TRPM2: variants seen among roughly 807,000 people sequenced by gnomAD.
TRPM2 encodes the protein transient receptor potential cation channel subfamily M member 2, also known as estrogen-responsive element-associated gene 1 protein.
In TRPM2, 161 loss-of-function variants were observed where a neutral mutation model predicts 174.0. The observed-to-expected ratio is 0.93, with a 90% confidence interval of 0.81 to 1.05. The LOEUF is 1.05. Among genes scored for constraint, TRPM2 ranks in the 50% least tolerant of loss-of-function variants. The pLI, the probability that TRPM2 is intolerant of heterozygous loss-of-function variation, is 0.00. For missense variants in TRPM2, 2,057 were observed against 2,038.0 expected, an observed-to-expected ratio of 1.01 and a Z score of -0.18; for synonymous variants, 954 against 861.3, an observed-to-expected ratio of 1.11 and a Z score of -1.88.
chr21:44,391,393 A>C lies in TRPM2; in HGVS notation c.1562A>C (p.Tyr521Ser). 1 of 1,614,078 alleles carries C rather than the reference A, an allele frequency of 6.2e-7. No individual in the cohort carries two copies. Among genetic ancestry groups the C allele is most frequent in the South Asian group, 1.1e-5 (1 of 91,084 alleles). ...TTTGTCACCTGGGACACCTTGCTCT[A>C]CCTGTACGAGAACCTGGACCCCTCC... is the stretch of plus-strand genomic sequence containing the variant. ...KEFVTWDTLL[Y>S]LYENLDPSCL... Residue 521 changes from tyrosine to serine, a missense_variant, in exon 11 of 32, where the codon TAC (tyrosine) becomes TCC (serine). Physicochemically the swap from Tyr to Ser is moderately radical, Grantham distance 144 (BLOSUM62 -2). Transcript: ENST00000397928. The surrounding 1 kb of genome is among the most constrained non-coding windows in gnomAD (Gnocchi z 5.0).
At chr21:44,397,487 G>A (rs1287611218) in intron 12 of TRPM2, among the ~76,000 whole-genome samples, 1 of 152,188 alleles carries the variant, frequency 6.6e-6, no homozygotes, top group Non-Finnish European at 1.5e-5. Context: ...GCATGTGCTG[G>A]GCCCGTGCTG....
rs2049186354 is a variant in TRPM2, at chr21:44,391,859, C to A, written c.1794+234C>A. On this transcript the variant is annotated intron_variant, in intron 11 of 31. Transcript: ENST00000397928. The surrounding 1 kb of genome is among the most constrained non-coding windows in gnomAD (Gnocchi z 5.0). ...CAGATTAAGGCACCAGCAGGGCTGG[C>A]TTCTGGCCAGGGCCTCTTCTTGCTT... 6.6e-6 allele frequency among the ~76,000 whole-genome samples: 1 copy of A among 152,234 alleles called. No individual in the cohort carries two copies. The highest frequency in any genetic ancestry group is 6.5e-5 in the Admixed American group (1 of 15,282).
rs200128161 is a variant in TRPM2 at position 44,406,065 on chromosome 21, C to T, written c.2790+28C>T. ...AAGGGGGCGGGGGCACCGGCTCCATCGCGGCCTGCAGCCCAGGGTGGGCCT... is the reference window on the plus strand; with the variant it reads ...AAGGGGGCGGGGGCACCGGCTCCATTGCGGCCTGCAGCCCAGGGTGGGCCT... On this transcript the variant is annotated intron_variant, in intron 18 of 31. Coordinates refer to ENST00000397928, the MANE Select transcript of TRPM2 (RefSeq NM_003307.4). 2.0e-4 allele frequency: 314 copies of T among 1,599,600 alleles called. 1 individual carries two copies. The East Asian group carries it at 4.4e-3, about 22-fold the overall frequency.
chr21:44,406,821 G>A, intron 19 of TRPM2, 56 bp downstream of exon 19: 1 of 1,549,164 alleles, frequency 6.5e-7, no homozygotes, highest in South Asian at 1.2e-5. Flanking sequence ...CAGGAGAGAG[G>A]CTGGAAAGGG....
At chr21:44,411,945 C>T (rs1045549304) in intron 19 of TRPM2, among the ~76,000 whole-genome samples, 1 of 152,136 alleles carries the variant, frequency 6.6e-6, no homozygotes, top group Non-Finnish European at 1.5e-5. Flanking sequence ...GGGACACGTC[C>T]CACTTGGTCT....
intron 5 of TRPM2, among the ~76,000 whole-genome samples, chr21:44,372,374 T>C (rs1878674196): frequency 6.6e-6 from 1 of 151,400 alleles, no homozygotes. Flanking sequence ...TAGGCGACTG[T>C]AATCCCAGCT....
intron 23 of TRPM2, among the ~76,000 whole-genome samples, chr21:44,424,426 G>A (rs2050674994): frequency 6.6e-6 from 1 of 152,230 alleles, no homozygotes; most frequent in Admixed American, 6.5e-5. Context: ...ACTGTCCCCT[G>A]TGGGAGGCGC....
chr21:44,440,832 C>G lies in TRPM2; in HGVS notation c.4313C>G (p.Ala1438Gly). 6.2e-7 allele frequency: 1 copy of G among 1,613,970 alleles called. No individual in the cohort carries two copies. Among genetic ancestry groups the G allele is most frequent in the East Asian group, 2.2e-5 (1 of 44,880 alleles). Reference protein sequence around the residue: ...YMDDPRNTDNAWIETVAVSVH... With the variant: ...YMDDPRNTDNGWIETVAVSVH... ...GATGACCCGAGGAACACGGACAATG[C>G]CTGGATCGAGACGGTGGCCGTCAGC... Residue 1438 changes from alanine (A) to glycine (G), a missense_variant, in exon 31 of 32, where the codon GCC (alanine) becomes GGC (glycine). Physicochemically the swap from Ala to Gly is moderately conservative, Grantham distance 60. Transcript: ENST00000397928.
At position 44,399,249 on chromosome 21, in the gene TRPM2, G is replaced by A; in HGVS notation, c.2063-47G>A. The A allele has an allele frequency of 6.3e-7, 1 of 1,583,224 alleles. No individual in the cohort carries two copies. Among genetic ancestry groups the A allele is most frequent in the Non-Finnish European group, 8.6e-7 (1 of 1,161,338 alleles). On this transcript the variant is annotated intron_variant, in intron 13 of 31. Transcript: ENST00000397928. The surrounding 1 kb of genome is among the most constrained non-coding windows in gnomAD (Gnocchi z 4.6). ...CCCTCTGACCCGTCCCCAGGGCTCAGTGATTGTGACCTGCTGCTCTGACGG... is the reference window on the plus strand; with the variant it reads ...CCCTCTGACCCGTCCCCAGGGCTCAATGATTGTGACCTGCTGCTCTGACGG...
chr21:44,405,882 G>C, intron 17 of TRPM2, 23 bp from the exon 18 acceptor site: 1 of 1,596,408 alleles, frequency 6.3e-7, no homozygotes, highest in South Asian at 1.1e-5. Flanking sequence ...GCTGAGATGT[G>C]TGTGCTTCTG....
intron 9 of TRPM2, among the ~76,000 whole-genome samples, chr21:44,390,367 T>C (rs1482935610): frequency 6.6e-6 from 1 of 152,180 alleles, no homozygotes. Flanking sequence ...TTCTTTTTTC[T>C]TTTTCCCCAA....
In TRPM2 at chr21:44,441,729, G is replaced by T; in HGVS notation, c.4424G>T (p.Trp1475Leu). 6.2e-7 allele frequency: 1 copy of T among 1,612,080 alleles called. No homozygotes were observed. Among genetic ancestry groups the T allele is most frequent in the Non-Finnish European group, 8.5e-7 (1 of 1,179,126 alleles). ...TGCGACTCGGGGGCCTCCATCCGAT[G>T]GCAGGTGGTGGACAGGCGCATCCCA... ...HACDSGASIRWQVVDRRIPLY... is the reference protein window; with the variant it reads ...HACDSGASIRLQVVDRRIPLY... Residue 1475 changes from tryptophan to leucine, a missense_variant, in exon 32 of 32, where the codon TGG (tryptophan) becomes TTG (leucine). Physicochemically the swap from Trp to Leu is moderately conservative, Grantham distance 61. Transcript: ENST00000397928.
chr21:44,418,085 C>T lies in TRPM2; in HGVS notation c.3305C>T (p.Pro1102Leu), dbSNP rs777861519. 46 of 1,612,156 alleles carry T rather than the reference C, an allele frequency of 2.9e-5. 1 individual carries two copies. The highest frequency in any genetic ancestry group is 3.3e-4 in the Middle Eastern group (2 of 6,080). The part of the protein sequence containing the change: ...LFIKRVVLKT[P>L]AKRHKQLKNK... ...ATCAAGAGGGTGGTCCTGAAGACTC[C>T]GGCCAAGAGGCACAAGCAGCTCAGT... is the stretch of plus-strand genomic sequence containing the variant. The change falls in exon 21 of 32, where the codon CCG (proline) becomes CTG (leucine). Residue 1102 changes from proline (P) to leucine (L), a missense_variant. Physicochemically the swap from Pro to Leu is moderately conservative, Grantham distance 98 (BLOSUM62 -3). Coordinates refer to ENST00000397928, the MANE Select transcript of TRPM2 (RefSeq NM_003307.4).
chr21:44,388,359 T>C (rs908568298), intron 9 of TRPM2, among the ~76,000 whole-genome samples: 1 of 152,084 alleles, frequency 6.6e-6, no homozygotes, highest in East Asian at 1.9e-4. Flanking sequence ...AGTAGTCAAA[T>C]TCATGGAGAC....
At position 44,376,151 on chromosome 21, in the gene TRPM2, C is replaced by T. The variant is rs1472321247; in HGVS notation, c.952+138C>T. The T allele has an allele frequency of 5.7e-6, 6 of 1,044,752 alleles. No homozygotes were observed. Among genetic ancestry groups the T allele is most frequent in the South Asian group, 1.7e-5 (1 of 60,596 alleles). The allele number at this position is 1,044,752 out of a possible 1,614,324, so 64.7% of individuals were successfully genotyped here. A position where few individuals can be genotyped will look rare whatever the true frequency, so the allele number is the denominator to read the frequency against. On this transcript the variant is annotated intron_variant, in intron 6 of 31. Transcript: ENST00000397928. This position sits in a 1 kb window ranked among gnomAD's most constrained non-coding sequence, Gnocchi z 4.2. ...GAGTGCAGTGGGCTGGTCAGAGTGTCAGGTACAGCTGGTCACAGGTCATTC... is the reference window on the plus strand; with the variant it reads ...GAGTGCAGTGGGCTGGTCAGAGTGTTAGGTACAGCTGGTCACAGGTCATTC...
rs540410281 is a variant in TRPM2 at position 44,395,318 on chromosome 21, C to T, written c.1795-96C>T. Reference sequence around the variant, plus strand: ...AGGGACAGTGAGATCCTGAGAAGGTCGGGGCTGGGGTCAGGGCCTGCACCT... The same window carrying T: ...AGGGACAGTGAGATCCTGAGAAGGTTGGGGCTGGGGTCAGGGCCTGCACCT... On this transcript the variant is annotated intron_variant, in intron 11 of 31. Coordinates refer to ENST00000397928, the MANE Select transcript of TRPM2 (RefSeq NM_003307.4). The T allele has an allele frequency of 7.7e-5, 112 of 1,454,444 alleles. 1 individual carries two copies. In the South Asian group the frequency reaches 7.9e-4, roughly 10 times the overall value. The allele number at this position is 1,454,444 out of a possible 1,614,324, so 90.1% of individuals were successfully genotyped here.
Position 44,362,350 on chromosome 21 carries a change from A to G in TRPM2, c.255-1764A>G, listed in dbSNP as rs1285503839. On this transcript the variant is annotated intron_variant, in intron 2 of 31. Coordinates refer to ENST00000397928, the MANE Select transcript of TRPM2 (RefSeq NM_003307.4). ...AAACCCCGTCTCTACTAAAAATACA[A>G]AAAAAAAAAAAAAAAGCCAGATGTG... 1.4e-4 allele frequency among the ~76,000 whole-genome samples: 12 copies of G among 85,678 alleles called. 2 individuals are homozygous for G. The highest frequency in any genetic ancestry group is 7.1e-4 in the African/African-American group (12 of 16,850). 56.2% of individuals were successfully genotyped at this position (85,678 alleles called of 152,430 possible). A position where few individuals can be genotyped will look rare whatever the true frequency, so the allele number is the denominator to read the frequency against.
At position 44,354,649 on chromosome 21, in the gene TRPM2, A is replaced by C; in HGVS notation, c.167A>C (p.Gln56Pro). 1 of 1,614,142 alleles carries C rather than the reference A, an allele frequency of 6.2e-7. No homozygotes were observed. The highest frequency in any genetic ancestry group is 1.1e-5 in the South Asian group (1 of 91,090). ...LQCPFGNNDKQESLSSWIPEN... is the reference protein window; with the variant it reads ...LQCPFGNNDKPESLSSWIPEN... ...TCAGTGTGCTGTCTTTACCTTCAGC[A>C]AGAAAGCCTCAGTTCGTGGATTCCT... Residue 56 changes from glutamine (Q) to proline (P), a missense_variant and splice_region_variant, in exon 2 of 32, where the codon CAA becomes CCA. Transcript: ENST00000397928. The surrounding 1 kb of genome is among the most constrained non-coding windows in gnomAD (Gnocchi z 4.3).
rs546901752 is a variant in TRPM2 at position 44,376,384 on chromosome 21, T to A, written c.952+371T>A. Among the ~76,000 whole-genome samples, 2 of 152,186 alleles carry A rather than the reference T, an allele frequency of 1.3e-5. No homozygotes were observed. The highest frequency in any genetic ancestry group is 2.9e-5 in the Non-Finnish European group (2 of 68,036). ...CTGGGGGGCTGGCAGCTCACCTGTG[T>A]GCTCGCAGGTAATGGGCCAACCTAC... On this transcript the variant is annotated intron_variant, in intron 6 of 31. Transcript: ENST00000397928. This position sits in a 1 kb window ranked among gnomAD's most constrained non-coding sequence, Gnocchi z 4.2.
Sources: allele counts gnomAD v4.1 joint callset (sites outside exome capture counted in the v4.1 genomes callset), GRCh38; gene constraint gnomAD v4.1.1; non-coding constraint Gnocchi (gnomAD v3.1); transcripts MANE v1.5; gene names NCBI Gene and HGNC (gene_info 2026-07-23, HGNC 2026-07-21).